Variants in PRKAR2B observed in about 807,000 individuals in gnomAD.
PRKAR2B encodes the protein protein kinase cAMP-dependent type II regulatory subunit beta.
In PRKAR2B, 14 loss-of-function variants were observed where a neutral mutation model predicts 49.9. The ratio of observed to expected loss-of-function variants is 0.28; its 90% CI spans 0.19 to 0.44. The LOEUF (loss-of-function observed/expected upper bound fraction) is 0.44. PRKAR2B is among the 20% of genes least tolerant of loss of function. PRKAR2B has a pLI of 1.00. For missense variants in PRKAR2B, 393 were observed against 537.9 expected, an observed-to-expected ratio of 0.73 and a Z score of 2.67; for synonymous variants, 196 against 197.7, an observed-to-expected ratio of 0.99 and a Z score of 0.07.
chr7:107,065,251 A>G (rs907468313), intron 1 of PRKAR2B, among the ~76,000 whole-genome samples: 1 of 151,878 alleles, frequency 6.6e-6, no homozygotes, highest in African/African-American at 2.4e-5. Context: ...GCAAAAGGCT[A>G]ATTTAACTAA....
chr7:107,076,504 A>G (rs761188701), intron 2 of PRKAR2B, among the ~76,000 whole-genome samples: 5 of 152,172 alleles, frequency 3.3e-5, no homozygotes, highest in African/African-American at 1.2e-4. Context: ...ACCGCCTGTT[A>G]TGCATTCATA....
At chr7:107,080,402 A>G (rs569388926) in intron 2 of PRKAR2B, among the ~76,000 whole-genome samples, 2 of 152,348 alleles carry the variant, frequency 1.3e-5, no homozygotes, top group African/African-American at 4.8e-5. Flanking sequence ...AGTAATGGAC[A>G]GAAGGAAGCC....
At chr7:107,063,580 T>C (rs1331917775) in intron 1 of PRKAR2B, among the ~76,000 whole-genome samples, 1 of 152,190 alleles carries the variant, frequency 6.6e-6, no homozygotes, top group Admixed American at 6.5e-5. Context: ...AACTGGGTGT[T>C]CAGGGAAAAG....
intron 2 of PRKAR2B, among the ~76,000 whole-genome samples, chr7:107,112,636 C>T (rs183596946): frequency 4.0e-5 from 6 of 151,374 alleles, no homozygotes; most frequent in East Asian, 1.9e-4. Flanking sequence ...CAGAAAATAA[C>T]GCGTGAAAAA....
Position 107,146,437 on chromosome 7 carries a change from C to T in PRKAR2B, c.717C>T (p.Thr239=), listed in dbSNP as rs780257769. The T allele has an allele frequency of 6.2e-7, 1 of 1,614,060 alleles. No individual in the cohort carries two copies. The highest frequency in any genetic ancestry group is 1.1e-5 in the South Asian group (1 of 91,068). The change falls in exon 6 of 11, where the codon ACC becomes ACT. Residue 239 remains threonine (T), a synonymous_variant. Coordinates refer to ENST00000265717, the MANE Select transcript of PRKAR2B (RefSeq NM_002736.3). ...NTPRAATITA[T]SPGALWGLDR... ...CCAGAGCAGCTACAATCACTGCTAC[C>T]TCTCCTGGTGCTCTGTGGGGTTTGG...
At chr7:107,045,470 C>A (rs1291607655) in intron 1 of PRKAR2B, among the ~76,000 whole-genome samples, 1 of 152,228 alleles carries the variant, frequency 6.6e-6, no homozygotes, top group Non-Finnish European at 1.5e-5. Flanking sequence ...ACGCTTCCCT[C>A]TTACCCTTTG....
intron 2 of PRKAR2B, chr7:107,091,934 G>A (rs1039554414): frequency 3.9e-5 from 6 of 152,140 alleles, no homozygotes; most frequent in African/African-American, 1.4e-4. Context: ...CCTAACTCAT[G>A]TATTTATTTT....
intron 1 of PRKAR2B, among the ~76,000 whole-genome samples, chr7:107,052,147 G>C (rs1198583728): frequency 6.6e-6 from 1 of 152,164 alleles, no homozygotes; most frequent in African/African-American, 2.4e-5. Flanking sequence ...GCCGGGCACG[G>C]TGGCTCATGT....
intron 2 of PRKAR2B, among the ~76,000 whole-genome samples, chr7:107,095,794 A>G (rs960387780): frequency 6.6e-6 from 1 of 152,080 alleles, no homozygotes; most frequent in Non-Finnish European, 1.5e-5. Context: ...TGTTCATATG[A>G]TGGATTACGT....
At chr7:107,141,888 AT>A (rs1205535047) in intron 5 of PRKAR2B, among the ~76,000 whole-genome samples, 4 of 152,176 alleles carry the variant, frequency 2.6e-5, no homozygotes, top group Non-Finnish European at 5.9e-5. Context: ...GAAGTCTTGC[AT>A]TTATGTTGAA....
At chr7:107,065,340 G>A (rs865941580) in intron 1 of PRKAR2B, among the ~76,000 whole-genome samples, 13,873 of 114,626 alleles carry the variant, frequency 0.12, 742 homozygotes, top group African/African-American at 0.17. Flanking sequence ...GTGTGTGTGT[G>A]TGTGTGTGTG....
chr7:107,092,895 A>G (rs1794757605), intron 2 of PRKAR2B, among the ~76,000 whole-genome samples: 2 of 152,248 alleles, frequency 1.3e-5, no homozygotes, highest in South Asian at 4.1e-4. Context: ...TTCTGTTCCC[A>G]GCCCTGGCAG....
intron 2 of PRKAR2B, among the ~76,000 whole-genome samples, chr7:107,111,674 TTTTAA>T (rs1189904986): frequency 6.6e-6 from 1 of 152,206 alleles, no homozygotes; most frequent in Non-Finnish European, 1.5e-5. Context: ...TGAATATTTA[TTTTAA>T]TTTTTTTGTT....
intron 4 of PRKAR2B, among the ~76,000 whole-genome samples, chr7:107,138,718 C>T (rs185320659): frequency 6.6e-6 from 1 of 152,070 alleles, no homozygotes; most frequent in Non-Finnish European, 1.5e-5. Flanking sequence ...GAGTCTCACT[C>T]TGTTGCCCAG....
chr7:107,118,094 A>G (rs1795313748), intron 2 of PRKAR2B, among the ~76,000 whole-genome samples: 3 of 152,210 alleles, frequency 2.0e-5, no homozygotes, highest in African/African-American at 4.8e-5. Flanking sequence ...TTCAGAAAGA[A>G]CACAAGGGAG....
In PRKAR2B at chr7:107,151,017, T is replaced by G. The variant is rs1478404829; in HGVS notation, c.837T>G (p.Ser279=). ...SFIESLPFLK[S]LEFSERLKVV... The stretch of plus-strand genomic sequence containing the variant: ...TTGAGTCACTGCCATTCCTTAAATC[T>G]TTGGAGGTAAGTATATGTTTATGCT... Residue 279 remains serine (S), a synonymous_variant, in exon 7 of 11, where the codon TCT becomes TCG. Coordinates refer to ENST00000265717, the MANE Select transcript of PRKAR2B (RefSeq NM_002736.3). 21 of 1,555,506 alleles carry G rather than the reference T, an allele frequency of 1.4e-5. No individual in the cohort carries two copies. The highest frequency in any genetic ancestry group is 1.8e-5 in the Non-Finnish European group (21 of 1,144,030).
At chr7:107,121,900 A>C (rs1795395643) in intron 2 of PRKAR2B, 52 bp from the exon 3 acceptor site, 1 of 1,146,310 alleles carries the variant, frequency 8.7e-7, no homozygotes. Context: ...TACTCATTGT[A>C]GTATGGTTTT....
At chr7:107,094,478 G>A (rs1334274662) in intron 2 of PRKAR2B, among the ~76,000 whole-genome samples, 1 of 152,152 alleles carries the variant, frequency 6.6e-6, no homozygotes, top group Non-Finnish European at 1.5e-5. Flanking sequence ...TCTGATGGTA[G>A]TTTCTTTTGC....
chr7:107,128,835 A>G (rs1473705556), intron 4 of PRKAR2B: 2 of 136,926 alleles, frequency 1.5e-5, no homozygotes, highest in Middle Eastern at 3.8e-3. Flanking sequence ...GAAATCTCTA[A>G]TTTTTGGGTT....
Sources: allele counts gnomAD v4.1 joint callset (sites outside exome capture counted in the v4.1 genomes callset), GRCh38; gene constraint gnomAD v4.1.1; transcripts MANE v1.5; gene names NCBI Gene and HGNC (gene_info 2026-07-23, HGNC 2026-07-21).